PCMTD1: variants seen among roughly 807,000 people sequenced by gnomAD.
The protein encoded by PCMTD1 is protein-L-isoaspartate O-methyltransferase domain-containing protein 1.
PCMTD1 carries 12 observed loss-of-function variants against 37.6 expected under a neutral mutation model. The ratio of observed to expected loss-of-function variants is 0.32; its 90% CI spans 0.20 to 0.52. The LOEUF (loss-of-function observed/expected upper bound fraction) is 0.52. PCMTD1 is among the 20% of genes least tolerant of loss of function. PCMTD1 has a pLI of 0.97. For missense variants in PCMTD1, 235 were observed against 421.3 expected (o/e 0.56, Z 3.87); for synonymous variants, 117 against 135.8 (o/e 0.86, Z 0.96).
intron 5 of PCMTD1, among the ~76,000 whole-genome samples, chr8:51,829,249 C>T (rs920793725): frequency 2.6e-5 from 4 of 152,126 alleles, no homozygotes; most frequent in Non-Finnish European, 5.9e-5. Flanking sequence ...TTACAAAGCA[C>T]TCTCCCAAGG....
intron 5 of PCMTD1, among the ~76,000 whole-genome samples, chr8:51,824,286 AT>A (rs1193587522): frequency 6.6e-6 from 1 of 152,212 alleles, no homozygotes; most frequent in African/African-American, 2.4e-5. Flanking sequence ...ATGATTGTAT[AT>A]TTAGAAAACC....
intron 1 of PCMTD1, among the ~76,000 whole-genome samples, chr8:51,877,091 GTGCCGT>G (rs554748328): frequency 5.5e-4 from 84 of 152,286 alleles, no homozygotes; most frequent in African/African-American, 1.8e-3. Context: ...TTGCTTCTTG[GTGCCGT>G]TAAGAACTAG....
chr8:51,875,954 GTGTGTGTC>G (rs1261253898), intron 1 of PCMTD1, among the ~76,000 whole-genome samples: 3 of 149,560 alleles, frequency 2.0e-5, no homozygotes, highest in African/African-American at 4.8e-5. Flanking sequence ...GTGTGTGTGT[GTGTGTGTC>G]TGTGTGTGTG....
rs563383471 is a variant in PCMTD1 at position 51,826,131 on chromosome 8, T to C, written c.706+5313A>G. On this transcript the variant is annotated intron_variant, in intron 5 of 5. Coordinates refer to ENST00000522514, the MANE Select transcript of PCMTD1 (RefSeq NM_052937.4). ...AACCAACCAAAATGTCCATCAATGA[T>C]ATGCTGGATAAAGAAAATGTGGCAC... Among the ~76,000 whole-genome samples, 15 of 152,308 alleles carry C rather than the reference T, an allele frequency of 9.8e-5. No individual in the cohort carries two copies. The South Asian group carries it at 3.1e-3, about 32-fold the overall frequency.
intron 1 of PCMTD1, among the ~76,000 whole-genome samples, chr8:51,865,264 C>T (rs941314954): frequency 7.2e-5 from 11 of 152,170 alleles, no homozygotes; most frequent in African/African-American, 2.6e-4. Context: ...AGAACTAATA[C>T]CAATTCCTTC....
intron 3 of PCMTD1, among the ~76,000 whole-genome samples, chr8:51,844,074 TA>T (rs773716573): frequency 1.3e-5 from 2 of 152,156 alleles, no homozygotes; most frequent in Non-Finnish European, 1.5e-5. Context: ...TCTAATTGTA[TA>T]AAAATACATT....
At chr8:51,886,424 G>C (rs1222183238) in intron 1 of PCMTD1, among the ~76,000 whole-genome samples, 4 of 152,118 alleles carry the variant, frequency 2.6e-5, no homozygotes, top group African/African-American at 4.8e-5. Context: ...ATTTTTGCTA[G>C]ATTACTGCAA....
At position 51,861,656 on chromosome 8, in the gene PCMTD1, T is replaced by C. The variant is rs777356235; in HGVS notation, c.-95-410A>G. Among the ~76,000 whole-genome samples the C allele has an allele frequency of 2.6e-5, 4 of 152,198 alleles. No individual in the cohort carries two copies. In the East Asian group the frequency reaches 7.7e-4, roughly 29 times the overall value. ...TAGTGGCTACCATACTGGACAGTGC[T>C]GCTCTGCAAAGTGACACTGTCAAGA... On this transcript the variant is annotated intron_variant, in intron 1 of 5. Transcript: ENST00000522514.
At chr8:51,872,738 C>A (rs551624905) in intron 1 of PCMTD1, among the ~76,000 whole-genome samples, 223 of 152,296 alleles carry the variant, frequency 1.5e-3, no homozygotes, top group Non-Finnish European at 2.0e-3. Context: ...GGGGACTACT[C>A]ATCGCTTCAG....
At chr8:51,896,883 C>CAAAAAAAAAA (rs34125033) in intron 1 of PCMTD1, among the ~76,000 whole-genome samples, 1 of 128,978 alleles carries the variant, frequency 7.8e-6, no homozygotes. Flanking sequence ...CGCACTATTA[C>CAAAAAAAAAA]AAAAAAAAAA....
At chr8:51,885,012 A>G (rs1021955583) in intron 1 of PCMTD1, among the ~76,000 whole-genome samples, 1 of 152,148 alleles carries the variant, frequency 6.6e-6, no homozygotes, top group Non-Finnish European at 1.5e-5. Context: ...CCTTTACACT[A>G]AACATTCTCT....
At chr8:51,872,353 G>A (rs1263753380) in intron 1 of PCMTD1, among the ~76,000 whole-genome samples, 3 of 152,068 alleles carry the variant, frequency 2.0e-5, no homozygotes, top group African/African-American at 4.8e-5. Flanking sequence ...AGGGAATAAT[G>A]GCCTCAGATT....
At chr8:51,833,174 T>C (rs985545897) in intron 4 of PCMTD1, among the ~76,000 whole-genome samples, 1 of 152,124 alleles carries the variant, frequency 6.6e-6, no homozygotes, top group Non-Finnish European at 1.5e-5. Context: ...TCCAAAGAAC[T>C]GAAGAATATG....
intron 1 of PCMTD1, among the ~76,000 whole-genome samples, chr8:51,867,564 C>T (rs2038575182): frequency 1.3e-5 from 2 of 149,550 alleles, no homozygotes; most frequent in Admixed American, 1.3e-4. Context: ...TATAGACTTA[C>T]ATTATATACA....
At chr8:51,868,940 CTG>C (rs2038599981) in intron 1 of PCMTD1, among the ~76,000 whole-genome samples, 1 of 152,090 alleles carries the variant, frequency 6.6e-6, no homozygotes, top group Admixed American at 6.6e-5. Flanking sequence ...AAACATATGA[CTG>C]GTATTATACT....
chr8:51,827,283 T>C (rs2037934072), intron 5 of PCMTD1: 15 of 1,237,736 alleles, frequency 1.2e-5, no homozygotes, highest in Non-Finnish European at 1.4e-5. Context: ...CTCCTTATTG[T>C]AGAATTTCAA....
Position 51,818,025 on chromosome 8 carries a change from ATCTT to A in PCMTD1, c.*2322_*2325del, listed in dbSNP as rs1477078513. 2.3e-6 allele frequency: 1 copy of A among 442,736 alleles called. No individual in the cohort carries two copies. The highest frequency in any genetic ancestry group is 2.0e-5 in the African/African-American group (1 of 49,494). 27.4% of individuals were successfully genotyped at this position (442,736 alleles called of 1,614,324 possible). ...CATCATTTTCACTTACTTTTACTTA[ATCTT>A]TATTTGCTACTTTTCCACCTATAAA... On this transcript the variant is annotated 3_prime_UTR_variant, in exon 6 of 6. Coordinates refer to ENST00000522514, the MANE Select transcript of PCMTD1 (RefSeq NM_052937.4).
At chr8:51,896,978 G>C (rs2039011074) in intron 1 of PCMTD1, among the ~76,000 whole-genome samples, 1 of 150,830 alleles carries the variant, frequency 6.6e-6, no homozygotes, top group Admixed American at 6.6e-5. Flanking sequence ...CATTTATGTT[G>C]TTATGAGAAA....
At chr8:51,854,690 A>C (rs1407308940) in intron 2 of PCMTD1, among the ~76,000 whole-genome samples, 1 of 152,040 alleles carries the variant, frequency 6.6e-6, no homozygotes, top group Non-Finnish European at 1.5e-5. Context: ...CATCTTGCCC[A>C]ACACAGTGAA....
Sources: gnomAD v4.1 joint callset for allele counts (sites outside exome capture counted in the v4.1 genomes callset) on GRCh38, gnomAD v4.1.1 for gene constraint, MANE v1.5 for transcripts, NCBI Gene and HGNC (gene_info 2026-07-23, HGNC 2026-07-21) for gene names.